The following CR1 variants were observed in gnomAD, a reference collection of about 807,000 sequenced individuals.
CR1 encodes complement receptor type 1.
Under a neutral mutation model 187.3 loss-of-function variants are expected in CR1, and 116 were observed. The ratio of observed to expected loss-of-function variants is 0.62; its 90% CI spans 0.53 to 0.72. The LOEUF is 0.72. Among genes scored for constraint, CR1 ranks in the 30% least tolerant of loss-of-function variants. CR1 has a pLI of 0.00. For synonymous variants in CR1, 576 were observed against 747.1 expected (o/e 0.77, Z 3.73); for missense variants, 1,731 against 2,110.7 (o/e 0.82, Z 3.52).
At chr1:207,610,140 AG>A (rs753607538) in intron 37 of CR1, among the ~76,000 whole-genome samples, 2 of 152,164 alleles carry the variant, frequency 1.3e-5, no homozygotes, top group Non-Finnish European at 2.9e-5. Context: ...CAAATCAAAA[AG>A]GCCTTGGACT....
intron 1 of CR1, 48 bp from the exon 2 acceptor site, chr1:207,505,856 T>C (rs1400064565): frequency 2.6e-6 from 4 of 1,560,382 alleles, no homozygotes; most frequent in Non-Finnish European, 3.5e-6. Flanking sequence ...AAAAAAAGTA[T>C]GGTAATTTCT....
chr1:207,517,607 A>G (rs1203858830), intron 4 of CR1, among the ~76,000 whole-genome samples: 1 of 152,182 alleles, frequency 6.6e-6, no homozygotes, highest in Non-Finnish European at 1.5e-5. Context: ...TATGTTTGGA[A>G]GAATTCAGCA....
At chr1:207,498,563 A>G (rs1230383288) in intron 1 of CR1, among the ~76,000 whole-genome samples, 3 of 152,238 alleles carry the variant, frequency 2.0e-5, no homozygotes, top group African/African-American at 7.2e-5. Flanking sequence ...AGAGAATTGC[A>G]TCATATAAAA....
At chr1:207,498,485 T>C (rs1423172478) in intron 1 of CR1, among the ~76,000 whole-genome samples, 2 of 152,134 alleles carry the variant, frequency 1.3e-5, no homozygotes, top group African/African-American at 2.4e-5. Flanking sequence ...CAAATAGATA[T>C]TGCAAATGTA....
intron 27 of CR1, among the ~76,000 whole-genome samples, chr1:207,573,426 C>T (rs1410142279): frequency 2.0e-5 from 3 of 152,032 alleles, no homozygotes; most frequent in African/African-American, 7.3e-5. Flanking sequence ...TGGTAAATTT[C>T]CTGACTGTAC....
intron 45 of CR1, 142 bp downstream of exon 45, chr1:207,623,210 A>G: frequency 3.3e-6 from 2 of 611,948 alleles, no homozygotes. Flanking sequence ...GACACACAGT[A>G]TAGACAAAGA....
intron 5 of CR1, among the ~76,000 whole-genome samples, chr1:207,526,152 A>G (rs56074423): frequency 5.3e-5 from 8 of 152,126 alleles, no homozygotes; most frequent in African/African-American, 1.9e-4. Flanking sequence ...CTTCTCACTG[A>G]AGTGAAATGA....
At chr1:207,610,762 G>T (rs1279679140) in intron 37 of CR1, among the ~76,000 whole-genome samples, 2 of 152,028 alleles carry the variant, frequency 1.3e-5, no homozygotes, top group East Asian at 3.9e-4. Flanking sequence ...TTTCTTTGAG[G>T]GGGGGTTGTT....
At chr1:207,582,657 G>C (rs1337896567) in intron 32 of CR1, among the ~76,000 whole-genome samples, 1 of 152,192 alleles carries the variant, frequency 6.6e-6, no homozygotes, top group Non-Finnish European at 1.5e-5. Flanking sequence ...GGAGGCTGTT[G>C]CAGCAATCTA....
In CR1 at chr1:207,524,880, T is replaced by A. The variant is rs186998459; in HGVS notation, c.886+871T>A. On this transcript the variant is annotated intron_variant, in intron 5 of 46. Coordinates refer to ENST00000367049, the MANE Select transcript of CR1 (RefSeq NM_000651.6). The stretch of plus-strand genomic sequence containing the variant: ...AGGGATTTCATGCAGGTTGTATTAG[T>A]CTGTTCTCACATTCCTATAAAAAAC... Among the ~76,000 whole-genome samples, 939 of 152,090 alleles carry A rather than the reference T, an allele frequency of 6.2e-3. 6 individuals carry two copies. The highest frequency in any genetic ancestry group is 9.6e-3 in the Non-Finnish European group (655 of 68,020).
rs753192761 is a variant in CR1, at chr1:207,584,801, C to T, written c.5455C>T (p.Arg1819Cys). The change falls in exon 33 of 47, where the codon CGC (arginine) becomes TGC (cysteine). Residue 1819 changes from arginine to cysteine, a missense_variant. By Grantham distance (180) the Arg-to-Cys change is radical. Around this residue, in one of 5 missense-constraint regions of CR1, gnomAD observed 1,312 missense variants for 1,379.6 expected, o/e 0.95. Transcript: ENST00000367049. Reference protein sequence around the residue: ...TFNLIGESTIRCTSDPHGNGV... With the variant: ...TFNLIGESTICCTSDPHGNGV... ...CAACCTCATTGGGGAGAGCACCATC[C>T]GCTGCACAAGTGACCCTCATGGGAA... is the stretch of plus-strand genomic sequence containing the variant. 2.9e-5 allele frequency: 46 copies of T among 1,613,826 alleles called. No individual in the cohort carries two copies. The highest frequency in any genetic ancestry group is 4.0e-5 in the African/African-American group (3 of 74,906).
intron 4 of CR1, among the ~76,000 whole-genome samples, chr1:207,521,232 C>T (rs1659983874): frequency 6.6e-6 from 1 of 152,064 alleles, no homozygotes; most frequent in African/African-American, 2.4e-5. Context: ...CCACCTCGGC[C>T]TCCCAAACTG....
At chr1:207,607,193 TG>T in intron 35 of CR1, 57 bp from the exon 36 acceptor site, 1 of 1,315,908 alleles carries the variant, frequency 7.6e-7, no homozygotes, top group Non-Finnish European at 1.1e-6. Context: ...ATTTTCTAAA[TG>T]GTGAGTTAAA....
At chr1:207,617,912 G>A (rs1411789499) in intron 41 of CR1, among the ~76,000 whole-genome samples, 159 bp from the exon 42 acceptor site, 5 of 152,024 alleles carry the variant, frequency 3.3e-5, no homozygotes, top group Admixed American at 6.6e-5. Context: ...TAGAGAACCC[G>A]TCTTTCACTG....
chr1:207,526,076 T>C (rs140916609), intron 5 of CR1, among the ~76,000 whole-genome samples: 66 of 152,240 alleles, frequency 4.3e-4, no homozygotes, highest in African/African-American at 1.5e-3. Flanking sequence ...TACAATATGT[T>C]GCGTAAATAT....
chr1:207,636,438 G>A (rs943358379), intron 46 of CR1, among the ~76,000 whole-genome samples: 3 of 137,930 alleles, frequency 2.2e-5, no homozygotes, highest in African/African-American at 9.9e-5. Flanking sequence ...TATAAACTTG[G>A]GGTGTAATAC....
At chr1:207,603,694 A>G (rs1228583241) in intron 35 of CR1, among the ~76,000 whole-genome samples, 1 of 152,134 alleles carries the variant, frequency 6.6e-6, no homozygotes, top group Non-Finnish European at 1.5e-5. Flanking sequence ...TATTCTAATT[A>G]TTATATATTA....
intron 4 of CR1, among the ~76,000 whole-genome samples, chr1:207,515,106 T>A (rs1246965392): frequency 7.1e-6 from 1 of 140,074 alleles, no homozygotes; most frequent in African/African-American, 2.6e-5. Flanking sequence ...TGTGTATATA[T>A]GTACGTATAT....
In CR1 at chr1:207,616,668, C is replaced by A. The variant is rs1409139939; in HGVS notation, c.6755C>A (p.Ala2252Glu). 2 of 1,613,984 alleles carry A rather than the reference C, an allele frequency of 1.2e-6. No homozygotes were observed. Among genetic ancestry groups the A allele is most frequent in the South Asian group, 2.2e-5 (2 of 91,078 alleles). ...DIPYGKEISY[A>E]CDTHPDRGMT... ...CCCTATGGAAAAGAAATATCTTACG[C>A]ATGCGACACCCACCCAGACAGAGGG... The change falls in exon 41 of 47, where the codon GCA becomes GAA. Residue 2252 changes from alanine (A) to glutamate (E), a missense_variant. Physicochemically the swap from Ala to Glu is moderately radical, Grantham distance 107. This residue lies in a region of CR1 where 1,312 missense variants were observed against 1,379.6 expected (regional missense o/e 0.95). Coordinates refer to ENST00000367049, the MANE Select transcript of CR1 (RefSeq NM_000651.6).
Sources: gnomAD v4.1 joint callset for allele counts (sites outside exome capture counted in the v4.1 genomes callset) on GRCh38, gnomAD v4.1.1 for gene constraint, gnomAD v4.1.1 regional missense constraint, MANE v1.5 for transcripts, NCBI Gene and HGNC (gene_info 2026-07-23, HGNC 2026-07-21) for gene names.